Variants in NRXN1 observed in about 807,000 individuals in gnomAD.
NRXN1 encodes neurexin-1.
In NRXN1, 39 loss-of-function variants were observed where a neutral mutation model predicts 150.9. The ratio of observed to expected loss-of-function variants is 0.26; its 90% CI spans 0.20 to 0.34. The LOEUF (loss-of-function observed/expected upper bound fraction) is 0.34, where lower values mean the gene tolerates loss of function less well. NRXN1 is among the 10% of genes least tolerant of loss of function. NRXN1 has a pLI of 1.00. For missense variants in NRXN1, 1,815 were observed against 1,949.9 expected (o/e 0.93, Z 1.30); for synonymous variants, 924 against 757.0 (o/e 1.22, Z -3.62).
chr2:50,716,670 T>C (rs1289501401), intron 5 of NRXN1, among the ~76,000 whole-genome samples: 1 of 152,136 alleles, frequency 6.6e-6, no homozygotes, highest in Non-Finnish European at 1.5e-5. Flanking sequence ...TACATCTCAA[T>C]GTAATGGAAA....
At chr2:49,964,165 C>G (rs1216554742) in intron 21 of NRXN1, among the ~76,000 whole-genome samples, 1 of 152,236 alleles carries the variant, frequency 6.6e-6, no homozygotes, top group Non-Finnish European at 1.5e-5. Flanking sequence ...TTCTACTGTT[C>G]ATATCAATTT....
chr2:50,359,983 C>G (rs1436948032), intron 17 of NRXN1, among the ~76,000 whole-genome samples: 4 of 152,108 alleles, frequency 2.6e-5, no homozygotes, highest in Non-Finnish European at 4.4e-5. Flanking sequence ...ATTTTCAACC[C>G]AGAATTTCAT....
rs1239717668 is a variant in NRXN1, at chr2:50,629,640, A to G, written c.833-6025T>C. On this transcript the variant is annotated intron_variant, in intron 5 of 22. Coordinates refer to ENST00000401669, the MANE Select transcript of NRXN1 (RefSeq NM_001330078.2). ...TCAATAAAATGTTTGAATAATCTGG[A>G]TGATTAAGCATAAAATGAATTTGTC... 1.3e-5 allele frequency among the ~76,000 whole-genome samples: 2 copies of G among 151,688 alleles called. 1 individual carries two copies. The highest frequency in any genetic ancestry group is 1.3e-4 in the Admixed American group (2 of 15,184).
chr2:50,725,476 T>C (rs1237286558), intron 5 of NRXN1, among the ~76,000 whole-genome samples: 1 of 152,130 alleles, frequency 6.6e-6, no homozygotes, highest in East Asian at 1.9e-4. Context: ...TTACAGGTAT[T>C]GTAAAGGGTT....
intron 5 of NRXN1, among the ~76,000 whole-genome samples, chr2:50,876,719 A>G (rs756385157): frequency 6.6e-6 from 1 of 151,820 alleles, no homozygotes; most frequent in Non-Finnish European, 1.5e-5. Flanking sequence ...AATTGCCAAC[A>G]ATCTCCACAT....
intron 19 of NRXN1, among the ~76,000 whole-genome samples, chr2:50,080,755 G>A (rs1697833010): frequency 1.3e-5 from 2 of 151,898 alleles, no homozygotes; most frequent in African/African-American, 4.8e-5. Context: ...GTCCTATTCT[G>A]TGAAAAAAAA....
Position 50,693,951 on chromosome 2 carries a change from TC to T in NRXN1, c.833-70337del, listed in dbSNP as rs566176609. Among the ~76,000 whole-genome samples the T allele has an allele frequency of 8.0e-4, 121 of 152,182 alleles. 1 individual carries two copies. Among genetic ancestry groups the T allele is most frequent in the African/African-American group, 2.7e-3 (113 of 41,540 alleles). On this transcript the variant is annotated intron_variant, in intron 5 of 22. Coordinates refer to ENST00000401669, the MANE Select transcript of NRXN1 (RefSeq NM_001330078.2). ...GAACTATAGGTATCCACTACCATGG[TC>T]GGCTAATTGTTTTTATTTTTTGTAG...
chr2:50,293,607 C>T (rs1353736465), intron 17 of NRXN1, among the ~76,000 whole-genome samples: 1 of 152,074 alleles, frequency 6.6e-6, no homozygotes, highest in African/African-American at 2.4e-5. Context: ...TAGAACTTTT[C>T]TTAGGAAGAC....
chr2:50,534,099 GCACACACACACACA>G, intron 10 of NRXN1, among the ~76,000 whole-genome samples: 1 of 147,116 alleles, frequency 6.8e-6, no homozygotes, highest in East Asian at 2.0e-4. Flanking sequence ...ATCAATAATT[GCACACACACACACA>G]CACACACACA....
intron 8 of NRXN1, among the ~76,000 whole-genome samples, chr2:50,588,137 A>T (rs1296787841): frequency 6.6e-6 from 1 of 152,188 alleles, no homozygotes; most frequent in Non-Finnish European, 1.5e-5. Flanking sequence ...TGCTGATTCT[A>T]GCCTATGTTC....
intron 17 of NRXN1, among the ~76,000 whole-genome samples, chr2:50,383,258 G>T (rs2081095370): frequency 6.6e-6 from 1 of 152,024 alleles, no homozygotes; most frequent in African/African-American, 2.4e-5. Context: ...ATTGACCTAG[G>T]AAATACTCTA....
At chr2:50,306,122 A>G (rs985661661) in intron 17 of NRXN1, among the ~76,000 whole-genome samples, 1 of 152,208 alleles carries the variant, frequency 6.6e-6, no homozygotes, top group Non-Finnish European at 1.5e-5. Flanking sequence ...CTTACAAGAT[A>G]ATTACATTAA....
rs1463355428 is a variant in NRXN1, at chr2:49,958,010, G to C, written c.4129-14219C>G. Among the ~76,000 whole-genome samples the C allele has an allele frequency of 2.0e-5, 3 of 152,106 alleles. No individual in the cohort carries two copies. The East Asian group carries it at 5.8e-4, about 29-fold the overall frequency. ...TATGTCTTACTGAAATTTTAAGTAA[G>C]GCCTTTGAAAAATACTAGGGAATGA... On this transcript the variant is annotated intron_variant, in intron 21 of 22. Coordinates refer to ENST00000401669, the MANE Select transcript of NRXN1 (RefSeq NM_001330078.2).
intron 5 of NRXN1, among the ~76,000 whole-genome samples, chr2:50,820,536 T>C (rs908911125): frequency 5.3e-5 from 8 of 152,162 alleles, no homozygotes; most frequent in African/African-American, 7.2e-5. Context: ...ACAGATAATA[T>C]ATTCACAAAG....
At chr2:50,331,476 T>C (rs1490020508) in intron 17 of NRXN1, among the ~76,000 whole-genome samples, 1 of 152,148 alleles carries the variant, frequency 6.6e-6, no homozygotes, top group Non-Finnish European at 1.5e-5. Flanking sequence ...AACAAAGAAG[T>C]AGCTGTATCT....
chr2:50,250,576 A>G (rs2152897543), intron 17 of NRXN1, among the ~76,000 whole-genome samples: 1 of 152,264 alleles, frequency 6.6e-6, no homozygotes, highest in Non-Finnish European at 1.5e-5. Context: ...AGTGTTAAAA[A>G]GAGATTAGAT....
intron 5 of NRXN1, chr2:50,916,867 G>A (rs1413806312): frequency 1.3e-5 from 2 of 151,554 alleles, no homozygotes; most frequent in Non-Finnish European, 3.0e-5. Context: ...TAACAAGATT[G>A]GTTAAATCAC....
intron 17 of NRXN1, among the ~76,000 whole-genome samples, chr2:50,410,441 G>A (rs1192043499): frequency 2.0e-5 from 3 of 152,162 alleles, no homozygotes; most frequent in African/African-American, 7.2e-5. Flanking sequence ...GATGTCAACT[G>A]CACATGTGCA....
chr2:50,527,291 C>A (rs146473571), intron 12 of NRXN1, among the ~76,000 whole-genome samples: 1 of 152,222 alleles, frequency 6.6e-6, no homozygotes, highest in Non-Finnish European at 1.5e-5. Context: ...TCTATGCCCC[C>A]AGCTGAAAGC....
Sources: allele counts gnomAD v4.1 joint callset (sites outside exome capture counted in the v4.1 genomes callset), GRCh38; gene constraint gnomAD v4.1.1; transcripts MANE v1.5; gene names NCBI Gene and HGNC (gene_info 2026-07-23, HGNC 2026-07-21).